COL19A1: variants seen among roughly 807,000 people sequenced by gnomAD.
COL19A1 encodes collagen alpha-1(XIX) chain.
COL19A1 carries 159 observed loss-of-function variants against 190.2 expected under a neutral mutation model. The observed-to-expected ratio is 0.84, with a 90% CI of 0.73 to 0.95. COL19A1 has a LOEUF of 0.95. Among genes scored for constraint, COL19A1 ranks in the 40% least tolerant of loss-of-function variants. COL19A1 has a pLI of 0.00. For missense variants in COL19A1, 1,418 were observed against 1,431.9 expected (o/e 0.99, Z 0.16); for synonymous variants, 509 against 458.9 (o/e 1.11, Z -1.39).
chr6:69,948,935 C>T (rs1773972970), intron 9 of COL19A1, among the ~76,000 whole-genome samples: 1 of 151,778 alleles, frequency 6.6e-6, no homozygotes, highest in Non-Finnish European at 1.5e-5. Context: ...GAGAGTCTTG[C>T]AAAATCAGTT....
intron 4 of COL19A1, among the ~76,000 whole-genome samples, chr6:69,901,166 A>G (rs1356331242): frequency 2.0e-5 from 3 of 152,228 alleles, no homozygotes; most frequent in Non-Finnish European, 4.4e-5. Flanking sequence ...TTCATATGCA[A>G]CACAAATGTT....
chr6:70,147,017 T>G (rs553471232), intron 27 of COL19A1, 128 bp downstream of exon 27: 4 of 752,804 alleles, frequency 5.3e-6, no homozygotes, highest in African/African-American at 3.5e-5. Flanking sequence ...TATCCAGAGA[T>G]GACTGATCAG....
intron 48 of COL19A1, among the ~76,000 whole-genome samples, chr6:70,190,784 A>G (rs1401259541): frequency 6.6e-6 from 1 of 152,142 alleles, no homozygotes; most frequent in Non-Finnish European, 1.5e-5. Flanking sequence ...GAATATTTTG[A>G]CCAATGCAGA....
At chr6:70,124,681 A>G (rs1319117877) in intron 17 of COL19A1, among the ~76,000 whole-genome samples, 1 of 152,152 alleles carries the variant, frequency 6.6e-6, no homozygotes, top group African/African-American at 2.4e-5. Flanking sequence ...TCTTGCCATT[A>G]CAGAATAGAG....
chr6:70,149,348 TG>T (rs1455787092), intron 27 of COL19A1, among the ~76,000 whole-genome samples: 11 of 152,270 alleles, frequency 7.2e-5, no homozygotes, highest in African/African-American at 2.4e-4. Flanking sequence ...GACTCAAAGT[TG>T]AAAGCAGAAA....
intron 41 of COL19A1, among the ~76,000 whole-genome samples, chr6:70,172,950 A>G (rs1359048246): frequency 6.6e-6 from 1 of 152,206 alleles, no homozygotes; most frequent in East Asian, 1.9e-4. Context: ...CAGTGGAGAT[A>G]GTGAGAATGC....
chr6:69,931,162 A>T (rs1309520181), intron 6 of COL19A1, among the ~76,000 whole-genome samples: 1 of 152,172 alleles, frequency 6.6e-6, no homozygotes, highest in Non-Finnish European at 1.5e-5. Flanking sequence ...GTTATTGAAA[A>T]AAATTATCAT....
intron 15 of COL19A1, among the ~76,000 whole-genome samples, chr6:70,095,645 G>A (rs780087023): frequency 6.6e-6 from 1 of 152,028 alleles, no homozygotes; most frequent in Admixed American, 6.6e-5. Flanking sequence ...CATTTTCATC[G>A]TGCAAAACTG....
rs1771865050 is a variant in COL19A1 at position 69,921,444 on chromosome 6, TCATATATCATATATA to T, written c.267-6464_267-6450del. Among the ~76,000 whole-genome samples, 7 of 30,080 alleles carry T rather than the reference TCATATATCATATATA, an allele frequency of 2.3e-4. 1 individual carries two copies. Among genetic ancestry groups the T allele is most frequent in the Non-Finnish European group, 4.0e-4 (7 of 17,490 alleles). 19.7% of individuals were successfully genotyped at this position (30,080 alleles called of 152,430 possible). A position where few individuals can be genotyped will look rare whatever the true frequency, so the allele number is the denominator to read the frequency against. On this transcript the variant is annotated intron_variant, in intron 4 of 50. Transcript: ENST00000620364. ...ATATATATCATATATATCATATATATCATATATCATATATATCATATATATTCATATATTCATATA... is the reference window on the plus strand; with the variant it reads ...ATATATATCATATATATCATATATATTCATATATATTCATATATTCATATA...
At chr6:69,891,266 T>C (rs961086677) in intron 2 of COL19A1, 4 of 153,860 alleles carry the variant, frequency 2.6e-5, no homozygotes, top group Non-Finnish European at 5.8e-5. Context: ...TCCTTTTCCC[T>C]GAGCCCAATC....
intron 42 of COL19A1, 67 bp from the exon 43 acceptor site, chr6:70,180,245 G>T: frequency 1.3e-6 from 2 of 1,573,740 alleles, no homozygotes; most frequent in Non-Finnish European, 8.7e-7. Flanking sequence ...GGGGTTGGGG[G>T]AAGAGAAGCA....
At chr6:69,907,649 T>C in intron 4 of COL19A1, among the ~76,000 whole-genome samples, 1 of 152,360 alleles carries the variant, frequency 6.6e-6, no homozygotes, top group African/African-American at 2.4e-5. Context: ...TGTTAAGATT[T>C]TGTGTTTTAT....
chr6:70,182,945 G>T (rs1040439380), intron 44 of COL19A1, among the ~76,000 whole-genome samples: 2 of 152,074 alleles, frequency 1.3e-5, no homozygotes, highest in Non-Finnish European at 2.9e-5. Context: ...CCAAAGTTGG[G>T]GTGCAAATCC....
chr6:69,937,759 G>T (rs1246446581), intron 8 of COL19A1, among the ~76,000 whole-genome samples: 1 of 152,128 alleles, frequency 6.6e-6, no homozygotes, highest in Non-Finnish European at 1.5e-5. Flanking sequence ...GAAAGGCAAG[G>T]TTCGGGGGTC....
chr6:69,948,398 A>C (rs549272984), intron 9 of COL19A1, among the ~76,000 whole-genome samples: 1 of 151,828 alleles, frequency 6.6e-6, no homozygotes, highest in Non-Finnish European at 1.5e-5. Context: ...TAACACTCCA[A>C]AATGACAGCC....
At chr6:69,925,169 G>A (rs572972968) in intron 4 of COL19A1, among the ~76,000 whole-genome samples, 125 of 152,292 alleles carry the variant, frequency 8.2e-4, no homozygotes, top group Middle Eastern at 6.8e-3. Context: ...CCAAGCCTAT[G>A]TCCTGAATGG....
In COL19A1 at chr6:70,034,240, T is replaced by A. The variant is rs755278478; in HGVS notation, c.1081-5T>A. On this transcript the variant is annotated splice_region_variant and splice_polypyrimidine_tract_variant and intron_variant, in intron 12 of 50. Transcript: ENST00000620364. Reference sequence around the variant, plus strand: ...AACTGTGTATTGGTTATATTCTTTCTACAGGGTTTGAAAGGTGACTTGGGT... The same window carrying A: ...AACTGTGTATTGGTTATATTCTTTCAACAGGGTTTGAAAGGTGACTTGGGT... 4.4e-6 allele frequency: 7 copies of A among 1,605,120 alleles called. No homozygotes were observed. In the South Asian group the frequency reaches 7.7e-5, roughly 18 times the overall value.
chr6:70,140,845 T>C (rs1786202091), intron 19 of COL19A1, 109 bp from the exon 20 acceptor site: 2 of 929,262 alleles, frequency 2.2e-6, no homozygotes, highest in Non-Finnish European at 3.5e-6. Flanking sequence ...TTTTTGGAGG[T>C]CTGTTTGCAA....
intron 48 of COL19A1, among the ~76,000 whole-genome samples, chr6:70,192,044 G>T (rs566588852): frequency 2.2e-5 from 3 of 138,490 alleles, no homozygotes; most frequent in East Asian, 2.1e-4. Flanking sequence ...AAAAAATGGG[G>T]TTTTTTGTTG....
Sources: gnomAD v4.1 joint callset for allele counts (sites outside exome capture counted in the v4.1 genomes callset) on GRCh38, gnomAD v4.1.1 for gene constraint, MANE v1.5 for transcripts, NCBI Gene and HGNC (gene_info 2026-07-23, HGNC 2026-07-21) for gene names.